The following SV2C variants were observed in gnomAD, a reference collection of about 807,000 sequenced individuals.
SV2C encodes the protein synaptic vesicle glycoprotein 2C, also known as solute carrier family 22 member B3.
A neutral mutation model predicts 79.7 loss-of-function variants in SV2C; 49 were observed. The ratio of observed to expected loss-of-function variants is 0.61; its 90% CI spans 0.49 to 0.78. The LOEUF (loss-of-function observed/expected upper bound fraction) is 0.78. Among genes scored for constraint, SV2C ranks in the 30% least tolerant of loss-of-function variants. SV2C has a pLI of 0.00. For missense variants in SV2C, 833 were observed against 912.9 expected (o/e 0.91, Z 1.13); for synonymous variants, 334 against 333.2 (o/e 1.00, Z -0.03).
chr5:76,194,129 G>A (rs1179151731), intron 2 of SV2C, among the ~76,000 whole-genome samples: 1 of 152,106 alleles, frequency 6.6e-6, no homozygotes, highest in African/African-American at 2.4e-5. Flanking sequence ...GGGCTGGGTG[G>A]GGGCAGTTCT....
rs145277257 is a variant in SV2C, at chr5:76,310,561, A to G, written c.2000+9016A>G. 3.8e-4 allele frequency among the ~76,000 whole-genome samples: 58 copies of G among 152,278 alleles called. 1 individual carries two copies. In the East Asian group the frequency reaches 0.01, roughly 27 times the overall value. On this transcript the variant is annotated intron_variant, in intron 12 of 12. Coordinates refer to ENST00000502798, the MANE Select transcript of SV2C (RefSeq NM_014979.4). Reference sequence around the variant, plus strand: ...TTCTTGCTGAGTAAAATGAAATCCAATGTGGGGTTTGGGGGCAGATGAGTG... The same window carrying G: ...TTCTTGCTGAGTAAAATGAAATCCAGTGTGGGGTTTGGGGGCAGATGAGTG...
chr5:75,950,682 CAG>C, the SV2C span, among the ~76,000 whole-genome samples: 54 of 152,032 alleles, frequency 3.6e-4, no homozygotes, highest in East Asian at 0.01. Context: ...AGAAGTCTTT[CAG>C]AGTCAAGCTA....
In SV2C at chr5:76,131,889, A is replaced by G. The variant is rs766991977; in HGVS notation, c.139A>G (p.Ser47Gly). ...AQDEYTQRSY[S>G]RFQDEEDDDD... ...GGATGAATACACCCAGAGGTCCTACAGTCGGTTCCAAGATGAAGAAGATGA... is the reference window on the plus strand; with the variant it reads ...GGATGAATACACCCAGAGGTCCTACGGTCGGTTCCAAGATGAAGAAGATGA... The change falls in exon 2 of 13, where the codon AGT becomes GGT. Residue 47 changes from serine (S) to glycine (G), a missense_variant. Coordinates refer to ENST00000502798, the MANE Select transcript of SV2C (RefSeq NM_014979.4). 6 of 1,614,130 alleles carry G rather than the reference A, an allele frequency of 3.7e-6. No individual in the cohort carries two copies. The Admixed American group carries it at 1.0e-4, about 27-fold the overall frequency.
At chr5:76,344,330 T>C (rs1234302494) in intron 12 of SV2C, among the ~76,000 whole-genome samples, 1 of 152,220 alleles carries the variant, frequency 6.6e-6, no homozygotes, top group Non-Finnish European at 1.5e-5. Context: ...TTTCCAGACT[T>C]CCTTATAATA....
At chr5:75,892,795 G>C in the SV2C span, among the ~76,000 whole-genome samples, 3 of 151,950 alleles carry the variant, frequency 2.0e-5, no homozygotes, top group Admixed American at 1.3e-4. Flanking sequence ...TGTATTCCAT[G>C]TATCAAGTGT....
At chr5:76,091,476 T>C (rs1747373298) in intron 1 of SV2C, among the ~76,000 whole-genome samples, 1 of 152,206 alleles carries the variant, frequency 6.6e-6, no homozygotes, top group South Asian at 2.1e-4. Context: ...AATGCCTTGG[T>C]TCCAGTGTTG....
intron 1 of SV2C, among the ~76,000 whole-genome samples, chr5:76,098,688 C>T (rs1247132129): frequency 1.3e-5 from 2 of 152,102 alleles, no homozygotes; most frequent in African/African-American, 4.8e-5. Context: ...AATGAACAAA[C>T]AAAACAAAAC....
chr5:76,167,215 A>G (rs945064814), intron 2 of SV2C, among the ~76,000 whole-genome samples: 1 of 152,246 alleles, frequency 6.6e-6, no homozygotes, highest in South Asian at 2.1e-4. Context: ...GACACTGGGA[A>G]ATTCACTTTA....
At chr5:76,078,812 C>G, upstream of SV2C, 7 of 586,762 alleles carry the variant, frequency 1.2e-5, 1 homozygote, top group South Asian at 9.9e-5. Context: ...TAGTTAGCAA[C>G]CTACAGACAG....
chr5:75,859,106 A>C, the SV2C span, among the ~76,000 whole-genome samples: 1 of 150,028 alleles, frequency 6.7e-6, no homozygotes, highest in African/African-American at 2.5e-5. Context: ...GATTTTTATA[A>C]TTTTTTTCTA....
At chr5:76,174,729 G>C (rs1743469296) in intron 2 of SV2C, among the ~76,000 whole-genome samples, 1 of 152,192 alleles carries the variant, frequency 6.6e-6, no homozygotes, top group Non-Finnish European at 1.5e-5. Context: ...CATAGTTCGT[G>C]GACCCCTGCT....
the SV2C span, among the ~76,000 whole-genome samples, chr5:76,052,257 A>G: frequency 9.2e-5 from 14 of 152,198 alleles, no homozygotes; most frequent in African/African-American, 2.9e-4. Context: ...TTGATTAAAC[A>G]TCTTTTGAGT....
intron 2 of SV2C, among the ~76,000 whole-genome samples, chr5:76,165,987 G>A (rs774792878): frequency 1.3e-5 from 2 of 152,104 alleles, no homozygotes; most frequent in Non-Finnish European, 2.9e-5. Flanking sequence ...CAAGAATGAG[G>A]GGTTCCCAGA....
intron 2 of SV2C, among the ~76,000 whole-genome samples, chr5:76,177,227 AATCTG>A (rs943709211): frequency 1.1e-4 from 8 of 70,900 alleles, no homozygotes; most frequent in African/African-American, 3.4e-4. Context: ...CAAATATATT[AATCTG>A]TATATATGAT....
chr5:76,073,830 C>T, the SV2C span, among the ~76,000 whole-genome samples: 1 of 152,010 alleles, frequency 6.6e-6, no homozygotes, highest in African/African-American at 2.4e-5. Context: ...GCACCAACAT[C>T]TCAGAAATCA....
chr5:76,096,990 T>C (rs1747586551), intron 1 of SV2C, among the ~76,000 whole-genome samples: 1 of 152,152 alleles, frequency 6.6e-6, no homozygotes, highest in South Asian at 2.1e-4. Context: ...ATTATTTCTC[T>C]CTATATTTAT....
intron 1 of SV2C, among the ~76,000 whole-genome samples, chr5:76,095,737 A>G (rs1747533449): frequency 6.6e-6 from 1 of 152,148 alleles, no homozygotes; most frequent in Admixed American, 6.5e-5. Flanking sequence ...ATTGAATAAA[A>G]GCTCTAAAAA....
At chr5:75,931,465 C>A in the SV2C span, among the ~76,000 whole-genome samples, 1 of 152,288 alleles carries the variant, frequency 6.6e-6, no homozygotes, top group Admixed American at 6.5e-5. Flanking sequence ...TTTGTAACTG[C>A]GTGTAACTTT....
chr5:75,976,613 T>G, the SV2C span, among the ~76,000 whole-genome samples: 1 of 152,040 alleles, frequency 6.6e-6, no homozygotes, highest in Admixed American at 6.6e-5. Flanking sequence ...AAGAATACCA[T>G]GCTTTTAATC....
Sources: gnomAD v4.1 joint callset for allele counts (sites outside exome capture counted in the v4.1 genomes callset) on GRCh38, gnomAD v4.1.1 for gene constraint, MANE v1.5 for transcripts, NCBI Gene and HGNC (gene_info 2026-07-23, HGNC 2026-07-21) for gene names.